CDYL2: variants seen among roughly 807,000 people sequenced by gnomAD.
The protein encoded by CDYL2 is chromodomain Y like 2.
Under a neutral mutation model 49.4 loss-of-function variants are expected in CDYL2, and 23 were observed. The observed-to-expected ratio is 0.47, with a 90% CI of 0.34 to 0.66. The LOEUF (loss-of-function observed/expected upper bound fraction) is 0.66. Ranked by LOEUF, CDYL2 falls within the 30% of genes least tolerant of loss-of-function variation. CDYL2 has a pLI of 0.01. For missense variants in CDYL2, 678 were observed against 656.4 expected, an observed-to-expected ratio of 1.03 and a Z score of -0.36; for synonymous variants, 360 against 268.8, an observed-to-expected ratio of 1.34 and a Z score of -3.32.
At chr16:80,749,751 C>T (rs1906065294) in intron 1 of CDYL2, among the ~76,000 whole-genome samples, 1 of 151,870 alleles carries the variant, frequency 6.6e-6, no homozygotes, top group Admixed American at 6.6e-5. Context: ...TAAAAAAAAG[C>T]ATACATGTGC....
chr16:80,609,121 G>T (rs1437204978), intron 5 of CDYL2, among the ~76,000 whole-genome samples: 1 of 152,176 alleles, frequency 6.6e-6, no homozygotes, highest in African/African-American at 2.4e-5. Flanking sequence ...ACTCCCCAGA[G>T]AATTTCCTTT....
chr16:80,679,323 T>G (rs1909882537), intron 2 of CDYL2, among the ~76,000 whole-genome samples: 3 of 151,910 alleles, frequency 2.0e-5, no homozygotes, highest in African/African-American at 7.3e-5. Flanking sequence ...AAGAAGTACA[T>G]CCTGTACCAC....
chr16:80,634,123 T>C (rs1367624447), intron 2 of CDYL2, among the ~76,000 whole-genome samples: 1 of 151,356 alleles, frequency 6.6e-6, no homozygotes, highest in Non-Finnish European at 1.5e-5. Flanking sequence ...AGACACAAAC[T>C]ACCAATATCA....
intron 1 of CDYL2, among the ~76,000 whole-genome samples, chr16:80,686,556 T>C (rs1233144004): frequency 3.3e-5 from 5 of 152,216 alleles, no homozygotes; most frequent in Admixed American, 2.0e-4. Flanking sequence ...AGTACAGTCA[T>C]AGTTGATAAT....
intron 1 of CDYL2, among the ~76,000 whole-genome samples, chr16:80,726,820 G>A (rs2873214): frequency 0.3 from 46,227 of 151,600 alleles, 7,775 homozygotes; most frequent in East Asian, 0.46. Context: ...AAGCATGGTG[G>A]CTCATGCCTA....
intron 1 of CDYL2, among the ~76,000 whole-genome samples, chr16:80,765,168 AATATATT>A (rs1906677669): frequency 1.4e-5 from 2 of 139,942 alleles, no homozygotes; most frequent in Non-Finnish European, 3.1e-5. Context: ...CAATATATAT[AATATATT>A]ATATAATAAT....
chr16:80,780,482 G>T (rs986058756), intron 1 of CDYL2, among the ~76,000 whole-genome samples: 1 of 138,536 alleles, frequency 7.2e-6, no homozygotes, highest in African/African-American at 2.8e-5. Context: ...TCGGCTCACT[G>T]CAAGCTCCGC....
rs372414577 is a variant in CDYL2, at chr16:80,684,936, C to T, written c.218G>A (p.Ser73Asn). 16 of 1,614,096 alleles carry T rather than the reference C, an allele frequency of 9.9e-6. No individual in the cohort carries two copies. The highest frequency in any genetic ancestry group is 1.6e-4 in the Middle Eastern group (1 of 6,084). The change falls in exon 2 of 7, where the codon AGT becomes AAT. Residue 73 changes from serine (S) to asparagine (N), a missense_variant. By Grantham distance (46) the Ser-to-Asn change is conservative. Transcript: ENST00000570137. ...ACTGTCACGCAGCAGCTTGGAGGTACTGGACTGCTTCCCTGACTTGATCCT... is the reference window on the plus strand; with the variant it reads ...ACTGTCACGCAGCAGCTTGGAGGTATTGGACTGCTTCCCTGACTTGATCCT... The part of the protein sequence containing the change: ...DKRIKSGKQS[S>N]TSKLLRDSRG...
chr16:80,776,919 G>A (rs1907103518), intron 1 of CDYL2, among the ~76,000 whole-genome samples: 1 of 151,660 alleles, frequency 6.6e-6, no homozygotes, highest in Non-Finnish European at 1.5e-5. Flanking sequence ...CCAGATTCAA[G>A]CCATTCTCCT....
chr16:80,780,928 C>CA (rs1567604802), intron 1 of CDYL2, among the ~76,000 whole-genome samples: 1 of 151,942 alleles, frequency 6.6e-6, no homozygotes, highest in South Asian at 2.1e-4. Flanking sequence ...GGTATTTGTT[C>CA]AAAAAAATGG....
chr16:80,712,189 G>A (rs113292289), intron 1 of CDYL2, among the ~76,000 whole-genome samples: 14,381 of 73,584 alleles, frequency 0.2, 1,210 homozygotes, highest in Non-Finnish European at 0.33. Flanking sequence ...GTGTCTGTGT[G>A]TGTATATATA....
chr16:80,696,004 A>G (rs1910601247), intron 1 of CDYL2, among the ~76,000 whole-genome samples: 1 of 152,238 alleles, frequency 6.6e-6, no homozygotes, highest in Non-Finnish European at 1.5e-5. Flanking sequence ...ATCATGCCAC[A>G]AAAGTCTCTA....
At chr16:80,705,631 T>C (rs1904379827) in intron 1 of CDYL2, among the ~76,000 whole-genome samples, 1 of 152,262 alleles carries the variant, frequency 6.6e-6, no homozygotes, top group African/African-American at 2.4e-5. Flanking sequence ...GAACTGGCAT[T>C]ATTATAAACC....
At chr16:80,639,369 G>T (rs762970781) in intron 2 of CDYL2, among the ~76,000 whole-genome samples, 1 of 152,184 alleles carries the variant, frequency 6.6e-6, no homozygotes, top group Non-Finnish European at 1.5e-5. Context: ...ATAATGATGT[G>T]AAATCTTATA....
At chr16:80,766,685 A>G (rs1597123330) in intron 1 of CDYL2, among the ~76,000 whole-genome samples, 2 of 152,338 alleles carry the variant, frequency 1.3e-5, no homozygotes, top group African/African-American at 4.8e-5. Flanking sequence ...TAACGATGGG[A>G]CTGACTCCAG....
At chr16:80,781,840 T>A (rs1448712583) in intron 1 of CDYL2, among the ~76,000 whole-genome samples, 1 of 151,878 alleles carries the variant, frequency 6.6e-6, no homozygotes, top group African/African-American at 2.4e-5. Flanking sequence ...TTAGGAAATA[T>A]CTTGAGACAA....
chr16:80,774,631 A>G (rs537499638), intron 1 of CDYL2, among the ~76,000 whole-genome samples: 1 of 152,310 alleles, frequency 6.6e-6, no homozygotes, highest in Non-Finnish European at 1.5e-5. Flanking sequence ...TAATATGTAT[A>G]TAGAGATCAA....
At position 80,614,647 on chromosome 16, in the gene CDYL2, C is replaced by T. The variant is rs578072356; in HGVS notation, c.1008-1811G>A. Among the ~76,000 whole-genome samples, 12 of 152,268 alleles carry T rather than the reference C, an allele frequency of 7.9e-5. No individual in the cohort carries two copies. In the South Asian group the frequency reaches 1.2e-3, roughly 16 times the overall value. On this transcript the variant is annotated intron_variant, in intron 4 of 6. Coordinates refer to ENST00000570137, the MANE Select transcript of CDYL2 (RefSeq NM_152342.4). ...GTGGGAGGCCGAGGTGGATGGATCA[C>T]AAGGTCAGGAGTTCTAGACCAGCCT...
At chr16:80,803,953 G>T in intron 1 of CDYL2, among the ~76,000 whole-genome samples, 197 bp downstream of exon 1, 1 of 139,930 alleles carries the variant, frequency 7.1e-6, no homozygotes, top group East Asian at 2.3e-4. Flanking sequence ...CGGGCGCCGC[G>T]GGAGGCGGCG....
Sources: allele counts gnomAD v4.1 joint callset (sites outside exome capture counted in the v4.1 genomes callset), GRCh38; gene constraint gnomAD v4.1.1; transcripts MANE v1.5; gene names NCBI Gene and HGNC (gene_info 2026-07-23, HGNC 2026-07-21).